ELF4: variants seen among roughly 807,000 people sequenced by gnomAD.
The protein encoded by ELF4 is ETS-related transcription factor Elf-4.
In ELF4, 10 loss-of-function variants were observed where a neutral mutation model predicts 31.7. The observed-to-expected ratio is 0.32, with a 90% CI of 0.19 to 0.54. The LOEUF (loss-of-function observed/expected upper bound fraction) is 0.54. Ranked by LOEUF, ELF4 falls within the 20% of genes least tolerant of loss-of-function variation. ELF4 has a pLI of 0.95. For synonymous variants in ELF4, 208 were observed against 226.7 expected (o/e 0.92, Z 0.74); for missense variants, 418 against 522.0 (o/e 0.80, Z 1.94).
intron 1 of ELF4, among the ~76,000 whole-genome samples, chrX:130,091,300 C>T (rs1450393521): frequency 2.7e-5 from 3 of 109,729 alleles, no homozygotes. Context: ...TGGTTGTGGG[C>T]GCCTGTAATC....
chrX:130,087,073 G>A (rs1318726804), intron 1 of ELF4, among the ~76,000 whole-genome samples: 1 of 112,901 alleles, frequency 8.9e-6, no homozygotes, highest in East Asian at 2.8e-4. Context: ...TAGTGACAAA[G>A]AGAACCTATT....
intron 1 of ELF4, among the ~76,000 whole-genome samples, chrX:130,091,908 T>C (rs894900489): frequency 2.7e-5 from 3 of 111,886 alleles, no homozygotes; most frequent in Admixed American, 1.9e-4. Context: ...CCTGATCATT[T>C]ACCCTCAGAA....
intron 1 of ELF4, among the ~76,000 whole-genome samples, chrX:130,089,339 C>G (rs757227640): frequency 2.9e-5 from 3 of 104,484 alleles, no homozygotes; most frequent in Admixed American, 1.0e-4. Context: ...CCTGTCTCTA[C>G]TAAAAAAAAA....
rs190622542 is a variant in ELF4, at chrX:130,106,940, C to T, written c.-210+3385G>A. 4.2e-4 allele frequency among the ~76,000 whole-genome samples: 47 copies of T among 111,741 alleles called. 1 individual carries two copies. The highest frequency in any genetic ancestry group is 8.1e-4 in the Non-Finnish European group (43 of 53,096). On this transcript the variant is annotated intron_variant, in intron 1 of 8. Transcript: ENST00000308167. ...AATGCCATCCTGCCCTGGAACCCAACAAATGACATCCTGCAAGATTGCCAC... is the reference window on the plus strand; with the variant it reads ...AATGCCATCCTGCCCTGGAACCCAATAAATGACATCCTGCAAGATTGCCAC...
intron 2 of ELF4, among the ~76,000 whole-genome samples, chrX:130,079,256 G>T: frequency 9.1e-6 from 1 of 110,478 alleles, no homozygotes. Flanking sequence ...TCAGGAGTTC[G>T]AGACCAGCCT....
rs138148873 is a variant in ELF4 at position 130,079,882 on chromosome X, C to G, written c.75+1374G>C. Among the ~76,000 whole-genome samples, 7 of 112,132 alleles carry G rather than the reference C, an allele frequency of 6.2e-5. No homozygotes were observed. The East Asian group carries it at 1.4e-3, about 22-fold the overall frequency. ...TTTCTTCCTTTCTCCTTGTCTGATGCCTTCCACGAGGCTAGGCACACCACA... is the reference window on the plus strand; with the variant it reads ...TTTCTTCCTTTCTCCTTGTCTGATGGCTTCCACGAGGCTAGGCACACCACA... On this transcript the variant is annotated intron_variant, in intron 2 of 8. Coordinates refer to ENST00000308167, the MANE Select transcript of ELF4 (RefSeq NM_001421.4).
intron 1 of ELF4, among the ~76,000 whole-genome samples, chrX:130,093,259 C>T (rs1299929872): frequency 9.5e-6 from 1 of 105,224 alleles, no homozygotes; most frequent in Non-Finnish European, 1.9e-5. Context: ...GAGCCAAGAT[C>T]GCGCCATTGC....
In ELF4 at chrX:130,078,351, C is replaced by T. The variant is rs556214197; in HGVS notation, c.75+2905G>A. On this transcript the variant is annotated intron_variant, in intron 2 of 8. Transcript: ENST00000308167. ...GTGAGCCACCAGCCTGACCGGCTCA[C>T]ACCTATTGTAATCCCAGCACTTCTT... 3.0e-4 allele frequency among the ~76,000 whole-genome samples: 19 copies of T among 63,096 alleles called. No individual in the cohort carries two copies. The South Asian group carries it at 0.026, about 88-fold the overall frequency. 54.8% of individuals were successfully genotyped at this position (63,096 alleles called of 115,157 possible).
intron 7 of ELF4, among the ~76,000 whole-genome samples, chrX:130,070,644 C>A (rs1343377800): frequency 9.5e-6 from 1 of 104,857 alleles, no homozygotes; most frequent in African/African-American, 3.5e-5. Context: ...TGGTGGCATG[C>A]GCCTGTAATC....
upstream of ELF4, chrX:130,110,511 G>C (rs1278136373): frequency 5.6e-5 from 6 of 107,148 alleles, no homozygotes; most frequent in Non-Finnish European, 9.7e-5. Flanking sequence ...AGTTGAGCGC[G>C]GCGCCCGGTC....
intron 1 of ELF4, among the ~76,000 whole-genome samples, chrX:130,101,755 C>T (rs1057266087): frequency 2.7e-5 from 3 of 109,863 alleles, no homozygotes; most frequent in Non-Finnish European, 3.8e-5. Context: ...GCCGAGATCA[C>T]GCCATTGCAC....
chrX:130,074,233 A>G, intron 3 of ELF4, 92 bp from the exon 4 acceptor site: 1 of 969,103 alleles, frequency 1.0e-6, no homozygotes, highest in Middle Eastern at 2.9e-4. Context: ...AGCCCGAAGA[A>G]AGGATGGTGG....
chrX:130,092,389 G>A lies in ELF4; in HGVS notation c.-209-10850C>T, dbSNP rs182609258. 3.5e-3 allele frequency among the ~76,000 whole-genome samples: 391 copies of A among 112,923 alleles called. 3 individuals carry two copies. Among genetic ancestry groups the A allele is most frequent in the Non-Finnish European group, 6.0e-3 (320 of 53,279 alleles). On this transcript the variant is annotated intron_variant, in intron 1 of 8. Transcript: ENST00000308167. ...GGGAAGGGCCCTGCGTGGTGAGTGG[G>A]GAGGATCCCTCACAGGAAGGCTGAG... is the stretch of plus-strand genomic sequence containing the variant.
chrX:130,083,835 G>GATGC (rs1320468053), intron 1 of ELF4, among the ~76,000 whole-genome samples: 1,414 of 92,238 alleles, frequency 0.015, 22 homozygotes, highest in African/African-American at 0.065. Context: ...TGGATGGCTG[G>GATGC]ATGGATGGAT....
At position 130,067,191 on chromosome X, in the gene ELF4, C is replaced by T. The variant is rs1266784442; in HGVS notation, c.1522G>A (p.Gly508Arg). 11 of 1,209,644 alleles carry T rather than the reference C, an allele frequency of 9.1e-6. No individual in the cohort carries two copies. Among genetic ancestry groups the T allele is most frequent in the East Asian group, 3.0e-5 (1 of 33,822 alleles). Residue 508 changes from glycine to arginine, a missense_variant, in exon 9 of 9, where the codon GGA (glycine) becomes AGA (arginine). Physicochemically the swap from Gly to Arg is moderately radical, Grantham distance 125. Coordinates refer to ENST00000308167, the MANE Select transcript of ELF4 (RefSeq NM_001421.4). Reference sequence around the variant, plus strand: ...GGCTGAGAGCTGGGCCCTGCTGGTCCAGCCCCTGTGACCGTGGGTGGCGCC... The same window carrying T: ...GGCTGAGAGCTGGGCCCTGCTGGTCTAGCCCCTGTGACCGTGGGTGGCGCC... ...NPAPPTVTGA[G>R]PAGPSSQPPG...
chrX:130,067,614 G>A, intron 8 of ELF4, 89 bp from the exon 9 acceptor site: 1 of 950,095 alleles, frequency 1.1e-6, no homozygotes. Context: ...TGGAGCTGAA[G>A]GTGTTTGTCG....
intron 1 of ELF4, among the ~76,000 whole-genome samples, chrX:130,108,188 A>C (rs1933407770): frequency 1.8e-5 from 2 of 110,148 alleles, no homozygotes; most frequent in African/African-American, 6.6e-5. Flanking sequence ...AGCCTGGGCA[A>C]CAAGAGTGAA....
At chrX:130,109,519 C>A (rs766726570) in intron 1 of ELF4, among the ~76,000 whole-genome samples, 4 of 112,331 alleles carry the variant, frequency 3.6e-5, no homozygotes, top group Non-Finnish European at 7.5e-5. Flanking sequence ...GGGGCGGGGG[C>A]GGCCCAGGAG....
At chrX:130,099,522 C>T (rs187032877) in intron 1 of ELF4, among the ~76,000 whole-genome samples, 8 of 110,730 alleles carry the variant, frequency 7.2e-5, no homozygotes, top group African/African-American at 2.6e-4. Context: ...TGCAGTGAGC[C>T]GAGATCACGC....
Sources: gnomAD v4.1 joint callset for allele counts (sites outside exome capture counted in the v4.1 genomes callset) on GRCh38, gnomAD v4.1.1 for gene constraint, MANE v1.5 for transcripts, NCBI Gene and HGNC (gene_info 2026-07-23, HGNC 2026-07-21) for gene names.